NPTN: variants seen among roughly 807,000 people sequenced by gnomAD.
The protein encoded by NPTN is SDR-1.
A neutral mutation model predicts 42.7 loss-of-function variants in NPTN; 5 were observed. The observed-to-expected ratio is 0.12, with a 90% CI of 0.06 to 0.25. NPTN has a LOEUF of 0.25. Among genes scored for constraint, NPTN ranks in the 10% least tolerant of loss-of-function variants. The pLI, the probability that NPTN is intolerant of heterozygous loss-of-function variation, is 1.00. For missense variants in NPTN, 307 were observed against 525.4 expected, an observed-to-expected ratio of 0.58 and a Z score of 4.06; for synonymous variants, 180 against 201.9, an observed-to-expected ratio of 0.89 and a Z score of 0.92.
intron 1 of NPTN, among the ~76,000 whole-genome samples, chr15:73,606,855 T>C (rs940452604): frequency 6.6e-6 from 1 of 152,190 alleles, no homozygotes; most frequent in African/African-American, 2.4e-5. Flanking sequence ...CCTAGGCCCA[T>C]CTGTGAACTT....
intron 6 of NPTN, chr15:73,567,378 G>C (rs1335846523): frequency 1.0e-6 from 1 of 985,226 alleles, no homozygotes; most frequent in Non-Finnish European, 1.2e-6. Flanking sequence ...AGCCACAGAT[G>C]GTTATCTGAT....
Position 73,569,809 on chromosome 15 carries a change from G to A in NPTN, c.1114+341C>T. The A allele has an allele frequency of 1.0e-6, 1 of 985,338 alleles. No individual in the cohort carries two copies. Among genetic ancestry groups the A allele is most frequent in the Non-Finnish European group, 1.2e-6 (1 of 829,902 alleles). 61.0% of individuals were successfully genotyped at this position (985,338 alleles called of 1,614,324 possible). ...TCAAGCTCAATCTGCCTGATGATCT[G>A]TATTGAAGGAGGACAGAGCTGAACA... On this transcript the variant is annotated intron_variant, in intron 6 of 8. Transcript: ENST00000345330. The surrounding 1 kb of genome is among the most constrained non-coding windows in gnomAD (Gnocchi z 4.1).
At chr15:73,599,211 T>C (rs1364374547) in intron 1 of NPTN, among the ~76,000 whole-genome samples, 1 of 150,948 alleles carries the variant, frequency 6.6e-6, no homozygotes, top group Non-Finnish European at 1.5e-5. Context: ...AGCCCCTGCA[T>C]GAAGAGCTGA....
intron 4 of NPTN, among the ~76,000 whole-genome samples, chr15:73,584,970 A>G (rs1896245628): frequency 6.6e-6 from 1 of 152,042 alleles, no homozygotes; most frequent in African/African-American, 2.4e-5. Context: ...TCTTTTGTAG[A>G]CCACAGATAA....
chr15:73,565,713 T>TG, intron 6 of NPTN: 4 of 456,338 alleles, frequency 8.8e-6, no homozygotes, highest in South Asian at 1.5e-5. Flanking sequence ...GGAAGAGGAC[T>TG]GGGGGGATAA....
intron 1 of NPTN, among the ~76,000 whole-genome samples, chr15:73,621,375 A>C (rs1898131896): frequency 6.6e-6 from 1 of 152,258 alleles, no homozygotes; most frequent in South Asian, 2.1e-4. Context: ...CTTTCTCATT[A>C]GTACTTTATT....
At chr15:73,610,168 C>T (rs1297113826) in intron 1 of NPTN, among the ~76,000 whole-genome samples, 2 of 152,002 alleles carry the variant, frequency 1.3e-5, no homozygotes, top group Non-Finnish European at 2.9e-5. Flanking sequence ...CTCACTGTAA[C>T]CTCGAACTCC....
At chr15:73,625,882 A>G (rs1898379616) in intron 1 of NPTN, among the ~76,000 whole-genome samples, 1 of 152,196 alleles carries the variant, frequency 6.6e-6, no homozygotes, top group Non-Finnish European at 1.5e-5. Flanking sequence ...ATCTAAAAGA[A>G]AAAAAGGAAA....
intron 2 of NPTN, 138 bp downstream of exon 2, chr15:73,596,884 C>A (rs1297424688): frequency 1.4e-6 from 1 of 708,778 alleles, no homozygotes. Context: ...CCAGAAGGGT[C>A]ATGGGATTGA....
chr15:73,618,169 C>A (rs1169986651), intron 1 of NPTN, among the ~76,000 whole-genome samples: 3 of 152,230 alleles, frequency 2.0e-5, no homozygotes, highest in African/African-American at 7.2e-5. Context: ...GATGTCCTCA[C>A]TTCCATCAGG....
intron 6 of NPTN, 46 bp from the exon 7 acceptor site, chr15:73,563,303 G>A: frequency 6.2e-7 from 1 of 1,610,238 alleles, no homozygotes; most frequent in Non-Finnish European, 8.5e-7. Flanking sequence ...GATAAGAGAA[G>A]AAAGGAGAAA....
chr15:73,573,941 G>T, intron 4 of NPTN, 146 bp from the exon 5 acceptor site: 1 of 1,065,734 alleles, frequency 9.4e-7, no homozygotes, highest in South Asian at 1.7e-5. Flanking sequence ...GAGCATTTCA[G>T]GTCAGAATAG....
chr15:73,618,159 G>A lies in NPTN; in HGVS notation c.91+14966C>T, dbSNP rs931211787. On this transcript the variant is annotated intron_variant, in intron 1 of 8. Coordinates refer to ENST00000345330, the MANE Select transcript of NPTN (RefSeq NM_012428.4). ...GCCTGCCTGGAATTCTTTCTGCCTC[G>A]ATGTCCTCACTTCCATCAGGAATTA... is the stretch of plus-strand genomic sequence containing the variant. Among the ~76,000 whole-genome samples, 5 of 152,166 alleles carry A rather than the reference G, an allele frequency of 3.3e-5. No homozygotes were observed. In the East Asian group the frequency reaches 7.7e-4, roughly 23 times the overall value.
chr15:73,563,525 GGACA>G, intron 6 of NPTN: 2 of 1,276,540 alleles, frequency 1.6e-6, no homozygotes, highest in Non-Finnish European at 2.0e-6. Context: ...CAACTGTAGC[GGACA>G]GATAGGCTGC....
chr15:73,600,513 A>G (rs972715180), intron 1 of NPTN, among the ~76,000 whole-genome samples: 4 of 152,212 alleles, frequency 2.6e-5, no homozygotes, highest in African/African-American at 9.7e-5. Context: ...TAACGTCCAA[A>G]AAAGTTAAAT....
rs567091734 is a variant in NPTN, at chr15:73,600,577, T to G, written c.92-3208A>C. On this transcript the variant is annotated intron_variant, in intron 1 of 8. Transcript: ENST00000345330. The stretch of plus-strand genomic sequence containing the variant: ...AAAGAGTCTGGCCTGGAATCCAAAG[T>G]GAAAGCATGGTCTCTTAACACTTAC... 3.9e-5 allele frequency among the ~76,000 whole-genome samples: 6 copies of G among 152,332 alleles called. No individual in the cohort carries two copies. In the South Asian group the frequency reaches 1.2e-3, roughly 32 times the overall value.
At chr15:73,618,048 G>A (rs118097764) in intron 1 of NPTN, among the ~76,000 whole-genome samples, 4,952 of 152,252 alleles carry the variant, frequency 0.033, 110 homozygotes, top group Middle Eastern at 0.1. Context: ...GTTTCACAAC[G>A]TTTCACGTAT....
In NPTN at chr15:73,633,245, G is replaced by C; in HGVS notation, c.-30C>G. The C allele has an allele frequency of 2.0e-6, 3 of 1,468,928 alleles. No homozygotes were observed. Among genetic ancestry groups the C allele is most frequent in the Non-Finnish European group, 2.7e-6 (3 of 1,102,270 alleles). 91.0% of individuals were successfully genotyped at this position (1,468,928 alleles called of 1,614,324 possible). ...CCTAGCAGAAGACCCAACAGCGAAT[G>C]GGCCGGGGCCAGAGCCGGGGCCGGG... On this transcript the variant is annotated 5_prime_UTR_variant, in exon 1 of 9. Coordinates refer to ENST00000345330, the MANE Select transcript of NPTN (RefSeq NM_012428.4).
At chr15:73,622,933 T>C (rs1181243233) in intron 1 of NPTN, among the ~76,000 whole-genome samples, 1 of 152,212 alleles carries the variant, frequency 6.6e-6, no homozygotes, top group African/African-American at 2.4e-5. Context: ...CAAACTAAAG[T>C]GAGCTCCCAC....
Sources: allele counts gnomAD v4.1 joint callset (sites outside exome capture counted in the v4.1 genomes callset), GRCh38; gene constraint gnomAD v4.1.1; non-coding constraint Gnocchi (gnomAD v3.1); transcripts MANE v1.5; gene names NCBI Gene and HGNC (gene_info 2026-07-23, HGNC 2026-07-21).